STXBP5L: variants seen among roughly 807,000 people sequenced by gnomAD.
STXBP5L encodes syntaxin-binding protein 5-like.
In STXBP5L, 65 loss-of-function variants were observed where a neutral mutation model predicts 144.5. The ratio of observed to expected loss-of-function variants is 0.45; its 90% confidence interval spans 0.37 to 0.55. The LOEUF is 0.55. Ranked by LOEUF, STXBP5L falls within the 20% of genes least tolerant of loss-of-function variation. The probability of loss-of-function intolerance (pLI) is 0.00; values close to 1 mark genes in which losing one functional copy is unlikely to be tolerated. For missense variants in STXBP5L, 1,298 were observed against 1,405.5 expected (o/e 0.92, Z 1.22); for synonymous variants, 505 against 469.6 (o/e 1.08, Z -0.97).
chr3:120,949,182 T>C (rs773168028), intron 2 of STXBP5L, among the ~76,000 whole-genome samples: 3 of 151,990 alleles, frequency 2.0e-5, no homozygotes, highest in Non-Finnish European at 4.4e-5. Context: ...TTTTTCATGT[T>C]TGTTGACCAT....
intron 8 of STXBP5L, among the ~76,000 whole-genome samples, chr3:121,155,886 A>G (rs2046095529): frequency 6.6e-6 from 1 of 151,886 alleles, no homozygotes; most frequent in East Asian, 1.9e-4. Flanking sequence ...GTGAAATAAG[A>G]AAGTTTAGGG....
rs561572238 is a variant in STXBP5L at position 121,232,586 on chromosome 3, G to A, written c.1112-1030G>A. Among the ~76,000 whole-genome samples, 107 of 152,178 alleles carry A rather than the reference G, an allele frequency of 7.0e-4. 2 individuals carry two copies. Among genetic ancestry groups the A allele is most frequent in the Non-Finnish European group, 4.3e-4 (29 of 67,998 alleles). On this transcript the variant is annotated intron_variant, in intron 11 of 26. Coordinates refer to ENST00000471454, the MANE Select transcript of STXBP5L (RefSeq NM_001308330.2). ...TGGATCCCATCCCTGATATGGAGCT[G>A]GTGAGCCACAGTCAAAACTGTCCTG...
At chr3:120,920,378 A>C (rs1316217313) in intron 2 of STXBP5L, among the ~76,000 whole-genome samples, 1 of 151,778 alleles carries the variant, frequency 6.6e-6, no homozygotes, top group Non-Finnish European at 1.5e-5. Context: ...TTGATGCATA[A>C]TAGATGCACA....
intron 3 of STXBP5L, among the ~76,000 whole-genome samples, chr3:121,038,412 G>A (rs969501413): frequency 1.3e-5 from 2 of 151,598 alleles, no homozygotes; most frequent in African/African-American, 2.4e-5. Context: ...ACATTTGGAG[G>A]GTTTTCTGGA....
intron 15 of STXBP5L, among the ~76,000 whole-genome samples, chr3:121,253,716 C>T (rs1303310141): frequency 1.3e-5 from 2 of 150,696 alleles, no homozygotes; most frequent in African/African-American, 4.9e-5. Flanking sequence ...GCAAGCTCCG[C>T]CCCCTGGGTT....
At chr3:121,199,433 A>G (rs147157510) in intron 9 of STXBP5L, among the ~76,000 whole-genome samples, 4 of 152,290 alleles carry the variant, frequency 2.6e-5, no homozygotes, top group Non-Finnish European at 5.9e-5. Context: ...GCAAACAGAG[A>G]CAATATGACT....
chr3:121,110,347 G>GT (rs1211915780), intron 5 of STXBP5L, among the ~76,000 whole-genome samples: 5 of 152,206 alleles, frequency 3.3e-5, no homozygotes, highest in African/African-American at 1.2e-4. Flanking sequence ...GCTGGTAACA[G>GT]TTTTTTGTTT....
chr3:120,961,903 A>C (rs954899291), intron 3 of STXBP5L, among the ~76,000 whole-genome samples: 1 of 151,972 alleles, frequency 6.6e-6, no homozygotes, highest in Non-Finnish European at 1.5e-5. Context: ...GTGTAAATGC[A>C]TTCCTATTTC....
chr3:121,000,048 C>T (rs80191378), intron 3 of STXBP5L, among the ~76,000 whole-genome samples: 18,246 of 152,034 alleles, frequency 0.12, 1,152 homozygotes, highest in Non-Finnish European at 0.14. Flanking sequence ...ATATTTTGTC[C>T]TTCACATTGA....
At chr3:121,374,309 A>C (rs2046119204) in intron 20 of STXBP5L, among the ~76,000 whole-genome samples, 1 of 152,212 alleles carries the variant, frequency 6.6e-6, no homozygotes, top group African/African-American at 2.4e-5. Flanking sequence ...AGGAAAAAAT[A>C]TTTCTCTATG....
intron 9 of STXBP5L, among the ~76,000 whole-genome samples, chr3:121,169,218 C>T (rs1427226819): frequency 2.0e-5 from 3 of 152,176 alleles, no homozygotes; most frequent in Non-Finnish European, 4.4e-5. Flanking sequence ...ACAATCAGTA[C>T]CAGCCACTGC....
At chr3:121,007,685 A>C (rs1944446459) in intron 3 of STXBP5L, among the ~76,000 whole-genome samples, 1 of 152,000 alleles carries the variant, frequency 6.6e-6, no homozygotes, top group Non-Finnish European at 1.5e-5. Flanking sequence ...TCTGTTGTTT[A>C]CATAGGCAGA....
intron 5 of STXBP5L, among the ~76,000 whole-genome samples, chr3:121,105,757 A>G (rs2043673613): frequency 1.3e-5 from 2 of 152,196 alleles, no homozygotes; most frequent in Non-Finnish European, 2.9e-5. Flanking sequence ...CTGTGCAGTT[A>G]GAACCATATT....
Position 121,257,261 on chromosome 3 carries a change from C to T in STXBP5L, c.1760C>T (p.Ser587Leu), listed in dbSNP as rs2050238392. ...GATCTCTCAGCCCAGCTTCCTTCTT[C>T]AAGGAGTCTTTCTGGGAGCACTAAC... Reference protein sequence around the residue: ...FPDLSAQLPSSRSLSGSTNTV... With the variant: ...FPDLSAQLPSLRSLSGSTNTV... The change falls in exon 17 of 27, where the codon TCA becomes TTA. Residue 587 changes from serine to leucine, a missense_variant. Physicochemically the swap from Ser to Leu is moderately radical, Grantham distance 145. Transcript: ENST00000471454. 2 of 1,613,726 alleles carry T rather than the reference C, an allele frequency of 1.2e-6. No homozygotes were observed. Among genetic ancestry groups the T allele is most frequent in the South Asian group, 1.1e-5 (1 of 91,048 alleles).
At chr3:120,976,225 T>C (rs1344575713) in intron 3 of STXBP5L, among the ~76,000 whole-genome samples, 1 of 152,240 alleles carries the variant, frequency 6.6e-6, no homozygotes. Flanking sequence ...TTTCAGAGCC[T>C]GTTATTAGTC....
rs2047373751 is a variant in STXBP5L, at chr3:121,422,538, G to A, written c.*3441G>A. 1 of 152,144 alleles carries A rather than the reference G, an allele frequency of 6.6e-6. No homozygotes were observed. Among genetic ancestry groups the A allele is most frequent in the Admixed American group, 6.5e-5 (1 of 15,272 alleles). The allele number at this position is 152,144 out of a possible 1,614,324, so 9.4% of individuals were successfully genotyped here. ...ATCCATTAGTCTTGGAGTTTGGAGG[G>A]AGGAATGATTGATTCCTCATTTGTT... On this transcript the variant is annotated 3_prime_UTR_variant, in exon 27 of 27. Transcript: ENST00000471454.
intron 14 of STXBP5L, among the ~76,000 whole-genome samples, chr3:121,247,729 G>T (rs1269719271): frequency 6.6e-6 from 1 of 152,118 alleles, no homozygotes; most frequent in East Asian, 1.9e-4. Flanking sequence ...CTGTTGTTGG[G>T]TACCTAGGTT....
chr3:121,358,626 A>G (rs901882540), intron 20 of STXBP5L, among the ~76,000 whole-genome samples: 2 of 152,214 alleles, frequency 1.3e-5, no homozygotes, highest in African/African-American at 4.8e-5. Context: ...GGGAGATTAC[A>G]CTTCAACATG....
intron 9 of STXBP5L, among the ~76,000 whole-genome samples, chr3:121,161,840 A>G (rs1452492835): frequency 1.3e-5 from 2 of 152,156 alleles, no homozygotes; most frequent in African/African-American, 4.8e-5. Flanking sequence ...TTTTGCTCAG[A>G]AGCAGGACAG....
Sources: allele counts gnomAD v4.1 joint callset (sites outside exome capture counted in the v4.1 genomes callset), GRCh38; gene constraint gnomAD v4.1.1; transcripts MANE v1.5; gene names NCBI Gene and HGNC (gene_info 2026-07-23, HGNC 2026-07-21).